SPECC1L: variants seen among roughly 807,000 people sequenced by gnomAD.
SPECC1L encodes the protein cytospin-A.
A neutral mutation model predicts 116.8 loss-of-function variants in SPECC1L; 40 were observed. The observed-to-expected ratio is 0.34, with a 90% confidence interval of 0.27 to 0.45. SPECC1L has a LOEUF of 0.45. Ranked by LOEUF, SPECC1L falls within the 20% of genes least tolerant of loss-of-function variation. The pLI is 1.00. For missense variants in SPECC1L, 1,110 were observed against 1,373.6 expected (o/e 0.81, Z 3.03); for synonymous variants, 504 against 500.6 (o/e 1.01, Z -0.09).
chr22:24,356,261 GAA>G (rs1431896700), intron 11 of SPECC1L, among the ~76,000 whole-genome samples: 1 of 152,138 alleles, frequency 6.6e-6, no homozygotes, highest in African/African-American at 2.4e-5. Flanking sequence ...ATTACTGAGA[GAA>G]TAGTCTTGAA....
intron 14 of SPECC1L, among the ~76,000 whole-genome samples, chr22:24,402,103 C>G (rs976456849): frequency 8.6e-6 from 1 of 116,406 alleles, no homozygotes; most frequent in Middle Eastern, 3.9e-3. Context: ...TACTGCTTCC[C>G]CTTCCTTCCC....
In SPECC1L at chr22:24,416,366, C is replaced by G. The variant is rs1359335270; in HGVS notation, c.*1743C>G. 2.0e-5 allele frequency: 3 copies of G among 152,230 alleles called. No homozygotes were observed. Among genetic ancestry groups the G allele is most frequent in the Admixed American group, 2.0e-4 (3 of 15,292 alleles). The allele number at this position is 152,230 out of a possible 1,614,324, so 9.4% of individuals were successfully genotyped here. ...AGGCAAGCAAAGTCATGCCACAAAGCATATCAGAGACCCCCGCAGACTCCT... is the reference window on the plus strand; with the variant it reads ...AGGCAAGCAAAGTCATGCCACAAAGGATATCAGAGACCCCCGCAGACTCCT... On this transcript the variant is annotated 3_prime_UTR_variant, in exon 17 of 17. Coordinates refer to ENST00000314328, the MANE Select transcript of SPECC1L (RefSeq NM_015330.6).
intron 2 of SPECC1L, among the ~76,000 whole-genome samples, chr22:24,295,908 G>A (rs2877211): frequency 6.6e-6 from 1 of 152,248 alleles, no homozygotes; most frequent in Admixed American, 6.5e-5. Context: ...AGGTCGTGCC[G>A]TCGCACTCCA....
chr22:24,314,662 G>T (rs556036033), intron 4 of SPECC1L, among the ~76,000 whole-genome samples: 1 of 152,108 alleles, frequency 6.6e-6, no homozygotes, highest in East Asian at 1.9e-4. Context: ...TTTTTATATC[G>T]TAATACCCCC....
chr22:24,289,990 T>C (rs2049126820), intron 2 of SPECC1L, among the ~76,000 whole-genome samples: 1 of 152,186 alleles, frequency 6.6e-6, no homozygotes, highest in Non-Finnish European at 1.5e-5. Context: ...GAGATGTTCT[T>C]TATCCTTTTC....
intron 11 of SPECC1L, among the ~76,000 whole-genome samples, chr22:24,352,257 C>T (rs77429382): frequency 0.025 from 3,742 of 152,252 alleles, 182 homozygotes; most frequent in African/African-American, 0.086. Flanking sequence ...CTGCCAAGTA[C>T]ATGGATACAG....
intron 9 of SPECC1L, among the ~76,000 whole-genome samples, chr22:24,336,430 A>T (rs749455611): frequency 6.6e-6 from 1 of 152,100 alleles, no homozygotes; most frequent in Non-Finnish European, 1.5e-5. Context: ...ATGGGGTAAG[A>T]TGAAAGGAGA....
At chr22:24,334,799 G>T (rs533363125) in intron 9 of SPECC1L, among the ~76,000 whole-genome samples, 1 of 152,350 alleles carries the variant, frequency 6.6e-6, no homozygotes, top group South Asian at 2.1e-4. Flanking sequence ...CCCATGCAGA[G>T]ATGTGTCTTC....
At chr22:24,273,800 C>T (rs1358518424) in intron 1 of SPECC1L, among the ~76,000 whole-genome samples, 1 of 152,082 alleles carries the variant, frequency 6.6e-6, no homozygotes, top group Admixed American at 6.6e-5. Flanking sequence ...CTCTTGTTGC[C>T]CAGGCTGGAG....
At chr22:24,390,135 T>TA (rs397961386) in intron 14 of SPECC1L, among the ~76,000 whole-genome samples, 5,637 of 135,500 alleles carry the variant, frequency 0.042, 189 homozygotes, top group South Asian at 0.14. Context: ...CCCCAACCCT[T>TA]AAAAAAAAAA....
At chr22:24,311,371 A>G (rs1016705240) in intron 3 of SPECC1L, among the ~76,000 whole-genome samples, 26 of 152,356 alleles carry the variant, frequency 1.7e-4, no homozygotes, top group African/African-American at 6.0e-4. Context: ...TTGAAAATAT[A>G]AGAATGTGTT....
intron 14 of SPECC1L, among the ~76,000 whole-genome samples, chr22:24,400,340 C>G (rs909495064): frequency 2.0e-5 from 3 of 152,218 alleles, no homozygotes; most frequent in Admixed American, 2.0e-4. Flanking sequence ...CCTTTTGTGT[C>G]TAACTTTCAC....
rs1339232497 is a variant in SPECC1L, at chr22:24,414,821, A to C, written c.*198A>C. On this transcript the variant is annotated 3_prime_UTR_variant, in exon 17 of 17. Transcript: ENST00000314328. ...CACAGCTCCCACCAGGGCCCCTCCC[A>C]CATGACCCGTCCATTCAGGTCATGT... 3.3e-6 allele frequency: 2 copies of C among 607,918 alleles called. No homozygotes were observed. The highest frequency in any genetic ancestry group is 3.7e-5 in the African/African-American group (2 of 54,542). The allele number at this position is 607,918 out of a possible 1,614,324, so 37.7% of individuals were successfully genotyped here.
chr22:24,334,158 G>T (rs142286947), intron 8 of SPECC1L, among the ~76,000 whole-genome samples: 1 of 151,772 alleles, frequency 6.6e-6, no homozygotes, highest in Admixed American at 6.6e-5. Flanking sequence ...GAGTACAGGC[G>T]CCCACCACCG....
intron 6 of SPECC1L, among the ~76,000 whole-genome samples, chr22:24,327,388 AAAG>A (rs1179661641): frequency 2.6e-5 from 4 of 152,088 alleles, no homozygotes; most frequent in African/African-American, 7.2e-5. Context: ...GAACAGGGGT[AAAG>A]AAGATGATGA....
chr22:24,389,977 G>C (rs921932670), intron 14 of SPECC1L, among the ~76,000 whole-genome samples: 1 of 151,992 alleles, frequency 6.6e-6, no homozygotes, highest in East Asian at 1.9e-4. Flanking sequence ...AAGAGATTGG[G>C]CCCAAAAGCA....
chr22:24,377,908 C>G (rs1256368753), intron 14 of SPECC1L, among the ~76,000 whole-genome samples: 1 of 152,170 alleles, frequency 6.6e-6, no homozygotes. Flanking sequence ...GATTGTGGGA[C>G]TGGTAAATGA....
At chr22:24,279,350 C>A (rs544476555) in intron 2 of SPECC1L, among the ~76,000 whole-genome samples, 3 of 152,248 alleles carry the variant, frequency 2.0e-5, no homozygotes, top group African/African-American at 7.2e-5. Flanking sequence ...TGCAGTTCAA[C>A]GTTTCTCTTC....
intron 3 of SPECC1L, among the ~76,000 whole-genome samples, chr22:24,306,525 T>C (rs1601527353): frequency 6.6e-6 from 1 of 152,084 alleles, no homozygotes; most frequent in Non-Finnish European, 1.5e-5. Flanking sequence ...GAATTACAGA[T>C]GTGTGTCACA....
Sources: gnomAD v4.1 joint callset for allele counts (sites outside exome capture counted in the v4.1 genomes callset) on GRCh38, gnomAD v4.1.1 for gene constraint, MANE v1.5 for transcripts, NCBI Gene and HGNC (gene_info 2026-07-23, HGNC 2026-07-21) for gene names.